RSU1: variants seen among roughly 807,000 people sequenced by gnomAD.
RSU1 encodes Ras suppressor protein 1.
RSU1 carries 26 observed loss-of-function variants against 31.1 expected under a neutral mutation model. The ratio of observed to expected loss-of-function variants is 0.84; its 90% CI spans 0.61 to 1.16. The LOEUF is 1.16. Ranked by LOEUF, RSU1 falls within the 50% of genes most tolerant of loss-of-function variation. The pLI is 0.00. For missense variants in RSU1, 320 were observed against 339.1 expected, an observed-to-expected ratio of 0.94 and a Z score of 0.44; for synonymous variants, 164 against 136.3, an observed-to-expected ratio of 1.20 and a Z score of -1.41.
Position 16,726,263 on chromosome 10 carries a change from G to A in RSU1, c.598+26276C>T, listed in dbSNP as rs118180588. 6.8e-3 allele frequency among the ~76,000 whole-genome samples: 979 copies of A among 143,250 alleles called. 17 individuals carry two copies. Among genetic ancestry groups the A allele is most frequent in the East Asian group, 0.064 (325 of 5,098 alleles). 94.0% of individuals were successfully genotyped at this position (143,250 alleles called of 152,430 possible). On this transcript the variant is annotated intron_variant, in intron 7 of 8. Transcript: ENST00000345264. ...CTACCTTTCTGTCTATCTTAGGAACGTATCTTTTTTTTTTTTTTTTTTTGA... is the reference window on the plus strand; with the variant it reads ...CTACCTTTCTGTCTATCTTAGGAACATATCTTTTTTTTTTTTTTTTTTTGA...
intron 4 of RSU1, among the ~76,000 whole-genome samples, chr10:16,756,562 G>A (rs529050457): frequency 3.5e-4 from 53 of 152,190 alleles, no homozygotes; most frequent in Middle Eastern, 6.8e-3. Context: ...TTTTCCTTAC[G>A]ACTTTCTTAA....
At chr10:16,750,063 A>T (rs1050223892) in intron 7 of RSU1, among the ~76,000 whole-genome samples, 1 of 152,090 alleles carries the variant, frequency 6.6e-6, no homozygotes, top group Non-Finnish European at 1.5e-5. Context: ...GTCTCCTTAT[A>T]ATTCTTACGA....
chr10:16,780,227 G>C (rs1837623226), intron 3 of RSU1, among the ~76,000 whole-genome samples: 1 of 152,208 alleles, frequency 6.6e-6, no homozygotes, highest in Admixed American at 6.5e-5. Context: ...TTAAAGAAGA[G>C]ATCAATGAAT....
intron 7 of RSU1, among the ~76,000 whole-genome samples, chr10:16,740,355 C>A (rs1836725859): frequency 6.6e-6 from 1 of 152,072 alleles, no homozygotes; most frequent in African/African-American, 2.4e-5. Context: ...TTTGTAAAAT[C>A]TGACAAGGTT....
intron 7 of RSU1, among the ~76,000 whole-genome samples, chr10:16,697,102 C>T (rs752760661): frequency 3.3e-5 from 5 of 151,978 alleles, no homozygotes; most frequent in Admixed American, 6.5e-5. Flanking sequence ...TTTATGTGCA[C>T]GATGGTATGT....
At chr10:16,722,868 G>GTA (rs1163295904) in intron 7 of RSU1, among the ~76,000 whole-genome samples, 1 of 130,900 alleles carries the variant, frequency 7.6e-6, no homozygotes, top group African/African-American at 2.8e-5. Context: ...ATACATATAT[G>GTA]TATATATACA....
chr10:16,695,530 C>A (rs188723438), intron 7 of RSU1, among the ~76,000 whole-genome samples: 90 of 152,268 alleles, frequency 5.9e-4, no homozygotes, highest in African/African-American at 2.1e-3. Flanking sequence ...CCTGGCTGAT[C>A]TGGGCCCAAT....
At chr10:16,714,767 G>T (rs1376634539) in intron 7 of RSU1, among the ~76,000 whole-genome samples, 1 of 152,126 alleles carries the variant, frequency 6.6e-6, no homozygotes, top group African/African-American at 2.4e-5. Context: ...ATTGCTACTG[G>T]TGCGCAGGGC....
At chr10:16,735,855 G>C (rs1027973901) in intron 7 of RSU1, among the ~76,000 whole-genome samples, 16 of 152,104 alleles carry the variant, frequency 1.1e-4, no homozygotes, top group African/African-American at 3.9e-4. Flanking sequence ...GGAGATTATG[G>C]AAACTACAAT....
At chr10:16,748,834 G>A (rs1368463302) in intron 7 of RSU1, among the ~76,000 whole-genome samples, 8 of 145,810 alleles carry the variant, frequency 5.5e-5, no homozygotes, top group Non-Finnish European at 8.8e-5. Flanking sequence ...CTGATTACCC[G>A]TTCCCCAGCC....
chr10:16,705,192 T>C (rs1369303044), intron 7 of RSU1, among the ~76,000 whole-genome samples: 2 of 152,208 alleles, frequency 1.3e-5, no homozygotes, highest in Non-Finnish European at 2.9e-5. Context: ...TTGTAGCATA[T>C]GTCAAAATTA....
chr10:16,619,720 A>G lies in RSU1; in HGVS notation c.732-26224T>C, dbSNP rs1323918705. ...ATTTCTTAGCTAGAGTTACAGAGAA[A>G]AAGCAACTTTGGCAGTTATGTTAGC... On this transcript the variant is annotated intron_variant, in intron 8 of 8. Coordinates refer to ENST00000345264, the MANE Select transcript of RSU1 (RefSeq NM_012425.4). Among the ~76,000 whole-genome samples the G allele has an allele frequency of 2.0e-5, 3 of 152,266 alleles. No homozygotes were observed. The East Asian group carries it at 5.8e-4, about 29-fold the overall frequency.
intron 8 of RSU1, among the ~76,000 whole-genome samples, chr10:16,676,664 T>C (rs948165083): frequency 2.2e-4 from 34 of 152,230 alleles, no homozygotes; most frequent in African/African-American, 8.2e-4. Flanking sequence ...AAATCCAAAA[T>C]GTTCCAATGA....
At chr10:16,702,141 T>C (rs762253589) in intron 7 of RSU1, among the ~76,000 whole-genome samples, 11 of 152,240 alleles carry the variant, frequency 7.2e-5, no homozygotes, top group Non-Finnish European at 1.6e-4. Context: ...AGTGAAAGAA[T>C]TGAAGACGGG....
At chr10:16,792,980 C>T (rs971205875) in intron 2 of RSU1, among the ~76,000 whole-genome samples, 8 of 152,170 alleles carry the variant, frequency 5.3e-5, no homozygotes, top group Non-Finnish European at 1.0e-4. Context: ...GTTATTTCAC[C>T]CTTGGTAGTA....
At chr10:16,678,009 C>G (rs552773777) in intron 8 of RSU1, among the ~76,000 whole-genome samples, 14 of 152,202 alleles carry the variant, frequency 9.2e-5, no homozygotes, top group African/African-American at 3.1e-4. Context: ...AAAAAAAATC[C>G]TTGTCTCACT....
intron 2 of RSU1, among the ~76,000 whole-genome samples, chr10:16,815,679 A>T (rs1192646378): frequency 6.6e-6 from 1 of 152,242 alleles, no homozygotes; most frequent in African/African-American, 2.4e-5. Context: ...CTTCTAGATT[A>T]AAAAAGAAAA....
intron 8 of RSU1, among the ~76,000 whole-genome samples, chr10:16,599,822 G>A (rs1227703922): frequency 6.6e-6 from 1 of 152,184 alleles, no homozygotes; most frequent in Non-Finnish European, 1.5e-5. Context: ...CTGCCAGCCT[G>A]TGCCTTTGGT....
At chr10:16,735,751 T>C (rs1836612702) in intron 7 of RSU1, among the ~76,000 whole-genome samples, 1 of 151,994 alleles carries the variant, frequency 6.6e-6, no homozygotes, top group African/African-American at 2.4e-5. Context: ...TATAAAACCA[T>C]CAGAGCTTGT....
Sources: allele counts gnomAD v4.1 joint callset (sites outside exome capture counted in the v4.1 genomes callset), GRCh38; gene constraint gnomAD v4.1.1; transcripts MANE v1.5; gene names NCBI Gene and HGNC (gene_info 2026-07-23, HGNC 2026-07-21).